PANK2: variants seen among roughly 807,000 people sequenced by gnomAD.
PANK2 encodes pantothenate kinase 2.
In PANK2, 36 loss-of-function variants were observed where a neutral mutation model predicts 43.1. That is an observed-to-expected ratio of 0.84 (90% CI 0.64 to 1.10). The LOEUF is 1.10. Ranked by LOEUF, PANK2 falls within the 50% of genes least tolerant of loss-of-function variation. PANK2 has a pLI of 0.00. For missense variants in PANK2, 576 were observed against 593.3 expected, an observed-to-expected ratio of 0.97 and a Z score of 0.30; for synonymous variants, 281 against 238.2, an observed-to-expected ratio of 1.18 and a Z score of -1.66.
upstream of PANK2, chr20:3,889,192 G>C: frequency 6.2e-7 from 1 of 1,611,874 alleles, no homozygotes; most frequent in South Asian, 1.1e-5. Context: ...TTCCTCCGCG[G>C]AACCCGGATC....
rs1402926805 is a variant in PANK2 at position 3,926,164 on chromosome 20, A to G, written c.*2870A>G. 2 of 152,336 alleles carry G rather than the reference A, an allele frequency of 1.3e-5. No individual in the cohort carries two copies. The highest frequency in any genetic ancestry group is 4.8e-5 in the African/African-American group (2 of 41,434). The allele number at this position is 152,336 out of a possible 1,614,324, so 9.4% of individuals were successfully genotyped here. A position where few individuals can be genotyped will look rare whatever the true frequency, so the allele number is the denominator to read the frequency against. On this transcript the variant is annotated 3_prime_UTR_variant, in exon 7 of 7. Transcript: ENST00000610179. The stretch of plus-strand genomic sequence containing the variant: ...GAGATACAAGAGGGCACCTGGGCTC[A>G]TTTGTGGACTACGTGATTTTGAGAC...
At chr20:3,892,708 G>A (rs955300566) in intron 1 of PANK2, among the ~76,000 whole-genome samples, 2 of 145,202 alleles carry the variant, frequency 1.4e-5, no homozygotes, top group African/African-American at 2.5e-5. Flanking sequence ...CTCTGATACC[G>A]CACTACTTGT....
chr20:3,905,030 C>T (rs1448879998), intron 1 of PANK2, among the ~76,000 whole-genome samples: 1 of 152,128 alleles, frequency 6.6e-6, no homozygotes, highest in Non-Finnish European at 1.5e-5. Context: ...TGAGTGCCAT[C>T]CTGATTCTGG....
rs11471571 is a variant in PANK2 at position 3,926,940 on chromosome 20, CAAA to C, written c.*3665_*3667del. ...AGCCTGGGTGACAGCAAGACTGTCTCAAAAAAAAAAAAAAAAAAAAATCCGCTA... is the reference window on the plus strand; with the variant it reads ...AGCCTGGGTGACAGCAAGACTGTCTCAAAAAAAAAAAAAAAAAATCCGCTA... On this transcript the variant is annotated 3_prime_UTR_variant, in exon 7 of 7. Transcript: ENST00000610179. 2.3e-4 allele frequency: 25 copies of C among 108,424 alleles called. No individual in the cohort carries two copies. Among genetic ancestry groups the C allele is most frequent in the Admixed American group, 5.1e-4 (5 of 9,736 alleles). The allele number at this position is 108,424 out of a possible 1,614,324, so 6.7% of individuals were successfully genotyped here.
At chr20:3,889,949 TGTTGGA>T (rs1327901933) in intron 1 of PANK2, 1 of 1,525,698 alleles carries the variant, frequency 6.6e-7, no homozygotes, top group Admixed American at 2.0e-5. Flanking sequence ...ACTTCCCGCT[TGTTGGA>T]GTGGAGGGCT....
rs1465152615 is a variant in PANK2, at chr20:3,925,691, T to C, written c.*2397T>C. On this transcript the variant is annotated 3_prime_UTR_variant, in exon 7 of 7. Transcript: ENST00000610179. ...GGTTCATTCTCTGCTGACAGTTAGC[T>C]GTGGCTGTCCTCAGCCTCAGTCCTG... The C allele has an allele frequency of 6.6e-6, 1 of 152,270 alleles. No homozygotes were observed. The highest frequency in any genetic ancestry group is 1.5e-5 in the Non-Finnish European group (1 of 68,074). 9.4% of individuals were successfully genotyped at this position (152,270 alleles called of 1,614,324 possible).
chr20:3,889,767 C>A (rs886461923), intron 1 of PANK2, 39 bp downstream of exon 1: 1 of 1,580,100 alleles, frequency 6.3e-7, no homozygotes, highest in Non-Finnish European at 8.5e-7. Flanking sequence ...CCCGCCCTGC[C>A]CCCCCTTCCG....
intron 1 of PANK2, among the ~76,000 whole-genome samples, chr20:3,894,609 T>TA (rs1272360907): frequency 6.7e-6 from 1 of 149,158 alleles, no homozygotes; most frequent in Non-Finnish European, 1.5e-5. Flanking sequence ...GACGAAGTCT[T>TA]ACTCTGTCGC....
At chr20:3,912,389 A>G (rs1258576720) in intron 3 of PANK2, 69 bp from the exon 4 acceptor site, 1 of 1,546,480 alleles carries the variant, frequency 6.5e-7, no homozygotes, top group African/African-American at 1.4e-5. Context: ...TTTGGGGTTC[A>G]TAAATGTTAA....
At chr20:3,909,087 TTTTTG>T (rs1319280752) in intron 2 of PANK2, among the ~76,000 whole-genome samples, 2 of 152,162 alleles carry the variant, frequency 1.3e-5, no homozygotes, top group Non-Finnish European at 2.9e-5. Flanking sequence ...AGATTCTGCC[TTTTTG>T]TTTTGTTTTG....
At chr20:3,907,877 T>C (rs772865323) in intron 1 of PANK2, 49 bp from the exon 2 acceptor site, 3 of 1,544,342 alleles carry the variant, frequency 1.9e-6, no homozygotes, top group Non-Finnish European at 2.7e-6. Context: ...AAGGGTAAAT[T>C]TAATTTTCAG....
At chr20:3,889,904 T>A in intron 1 of PANK2, 176 bp downstream of exon 1, 1 of 1,531,678 alleles carries the variant, frequency 6.5e-7, no homozygotes, top group East Asian at 2.5e-5. Context: ...CCGAAAGCGG[T>A]ACCTTCGGGG....
intron 5 of PANK2, 63 bp downstream of exon 5, chr20:3,917,113 C>CA: frequency 6.2e-7 from 1 of 1,601,222 alleles, no homozygotes; most frequent in South Asian, 1.1e-5. Flanking sequence ...TGGGCCCCAT[C>CA]ACGTCTGTTT....
chr20:3,892,242 G>A (rs914909354), intron 1 of PANK2, among the ~76,000 whole-genome samples: 1 of 152,036 alleles, frequency 6.6e-6, no homozygotes, highest in Non-Finnish European at 1.5e-5. Context: ...TACTCAGGAG[G>A]CTGAGGTGGG....
chr20:3,896,320 C>G (rs1410891969), intron 1 of PANK2, among the ~76,000 whole-genome samples: 1 of 151,170 alleles, frequency 6.6e-6, no homozygotes, highest in Non-Finnish European at 1.5e-5. Flanking sequence ...CCTCGTGATC[C>G]GCCTGCCTTG....
intron 1 of PANK2, among the ~76,000 whole-genome samples, chr20:3,902,244 A>G (rs2090313873): frequency 6.7e-6 from 1 of 149,602 alleles, no homozygotes; most frequent in South Asian, 2.1e-4. Flanking sequence ...ATAGCTTGCT[A>G]CGACCTTGAC....
intron 1 of PANK2, among the ~76,000 whole-genome samples, chr20:3,900,119 T>C (rs751009123): frequency 9.9e-5 from 15 of 151,974 alleles, no homozygotes; most frequent in Non-Finnish European, 1.8e-4. Flanking sequence ...TAACATTTGC[T>C]TGATACAGTG....
chr20:3,902,325 A>G (rs575391779), intron 1 of PANK2, among the ~76,000 whole-genome samples: 13 of 151,426 alleles, frequency 8.6e-5, no homozygotes, highest in African/African-American at 2.7e-4. Flanking sequence ...CGCCTGGCTA[A>G]TTTTTTATTT....
intron 1 of PANK2, among the ~76,000 whole-genome samples, chr20:3,892,714 C>G (rs2090144697): frequency 6.7e-6 from 1 of 148,206 alleles, no homozygotes; most frequent in Admixed American, 6.7e-5. Flanking sequence ...TACCGCACTA[C>G]TTGTCTAAAG....
Sources: gnomAD v4.1 joint callset for allele counts (sites outside exome capture counted in the v4.1 genomes callset) on GRCh38, gnomAD v4.1.1 for gene constraint, MANE v1.5 for transcripts, NCBI Gene and HGNC (gene_info 2026-07-23, HGNC 2026-07-21) for gene names.